The following ADAM10 variants were observed in gnomAD, a reference collection of about 807,000 sequenced individuals.
ADAM10 encodes the protein disintegrin and metalloproteinase domain-containing protein 10.
In ADAM10, 17 loss-of-function variants were observed where a neutral mutation model predicts 90.1. That is an observed-to-expected ratio of 0.19 (90% CI 0.13 to 0.28). The LOEUF (loss-of-function observed/expected upper bound fraction) is 0.28, where lower values mean the gene tolerates loss of function less well. ADAM10 is among the 10% of genes least tolerant of loss of function. The pLI is 1.00. For synonymous variants in ADAM10, 310 were observed against 298.6 expected, an observed-to-expected ratio of 1.04 and a Z score of -0.40; for missense variants, 610 against 914.3, an observed-to-expected ratio of 0.67 and a Z score of 4.29.
At chr15:58,655,506 C>T (rs988018097) in intron 5 of ADAM10, 1 of 150,780 alleles carries the variant, frequency 6.6e-6, no homozygotes, top group African/African-American at 2.4e-5. Context: ...GGGGGATCTG[C>T]CCCCATGATC....
chr15:58,618,733 A>T (rs751999584), intron 11 of ADAM10, among the ~76,000 whole-genome samples: 3 of 152,204 alleles, frequency 2.0e-5, no homozygotes, highest in Non-Finnish European at 2.9e-5. Flanking sequence ...AGACATATAA[A>T]TTGCTAACAA....
rs527885094 is a variant in ADAM10, at chr15:58,608,810, G to C, written c.2025+1487C>G. 7.9e-5 allele frequency among the ~76,000 whole-genome samples: 12 copies of C among 152,234 alleles called. No individual in the cohort carries two copies. The East Asian group carries it at 2.3e-3, about 29-fold the overall frequency. On this transcript the variant is annotated intron_variant, in intron 14 of 15. Coordinates refer to ENST00000260408, the MANE Select transcript of ADAM10 (RefSeq NM_001110.4). ...CTTTTGAAATTCTAAATAATGTAAT[G>C]AGTGAAAATTAGAGATAACAGAGAA...
Position 58,588,971 on chromosome 15 carries a change from T to G in ADAM10, c.*8576A>C, listed in dbSNP as rs959745483. ...TATAAATACAGTGCATATTAGATTTTGAAAGAAAATTTATCTCCAGGTATG... is the reference window on the plus strand; with the variant it reads ...TATAAATACAGTGCATATTAGATTTGGAAAGAAAATTTATCTCCAGGTATG... On this transcript the variant is annotated 3_prime_UTR_variant, in exon 16 of 16. Transcript: ENST00000260408. The G allele has an allele frequency of 2.0e-5, 3 of 152,342 alleles. No individual in the cohort carries two copies. In the East Asian group the frequency reaches 5.8e-4, roughly 29 times the overall value. 9.4% of individuals were successfully genotyped at this position (152,342 alleles called of 1,614,324 possible).
At chr15:58,614,634 C>A (rs190662645) in intron 11 of ADAM10, among the ~76,000 whole-genome samples, 74 of 152,154 alleles carry the variant, frequency 4.9e-4, no homozygotes, top group African/African-American at 1.7e-3. Flanking sequence ...AGAGTCTATA[C>A]CCAGCAAAAC....
chr15:58,712,532 A>AT (rs1898507359), intron 2 of ADAM10, among the ~76,000 whole-genome samples: 2 of 151,106 alleles, frequency 1.3e-5, no homozygotes, highest in South Asian at 4.2e-4. Context: ...TCAAAAAAAA[A>AT]AAAAAGGCCA....
At chr15:58,674,268 A>G (rs1897264299) in intron 4 of ADAM10, among the ~76,000 whole-genome samples, 1 of 152,186 alleles carries the variant, frequency 6.6e-6, no homozygotes, top group South Asian at 2.1e-4. Flanking sequence ...AAATACTATC[A>G]CTGTGCTTAA....
At chr15:58,641,973 G>C (rs193136606) in intron 7 of ADAM10, among the ~76,000 whole-genome samples, 19 of 152,282 alleles carry the variant, frequency 1.2e-4, no homozygotes, top group Admixed American at 1.2e-3. Flanking sequence ...CTTAAGAACA[G>C]ATTTCAGAAC....
At chr15:58,604,770 C>A (rs1422552287) in intron 14 of ADAM10, among the ~76,000 whole-genome samples, 1 of 152,104 alleles carries the variant, frequency 6.6e-6, no homozygotes, top group Non-Finnish European at 1.5e-5. Context: ...TTTTAAGAGA[C>A]AGGATCTTGC....
At chr15:58,617,650 T>C (rs917408420) in intron 11 of ADAM10, among the ~76,000 whole-genome samples, 1 of 152,154 alleles carries the variant, frequency 6.6e-6, no homozygotes, top group Admixed American at 6.5e-5. Context: ...TAATCTTATA[T>C]ATATAGACAA....
chr15:58,744,463 G>C (rs1313228202), intron 1 of ADAM10, among the ~76,000 whole-genome samples: 2 of 151,820 alleles, frequency 1.3e-5, no homozygotes, highest in Non-Finnish European at 2.9e-5. Flanking sequence ...CCAAAAAGTT[G>C]GAAATATTGC....
rs199528143 is a variant in ADAM10 at position 58,597,418 on chromosome 15, T to A, written c.*129A>T. On this transcript the variant is annotated 3_prime_UTR_variant, in exon 16 of 16. Coordinates refer to ENST00000260408, the MANE Select transcript of ADAM10 (RefSeq NM_001110.4). The stretch of plus-strand genomic sequence containing the variant: ...AATTCCACCTGGTCTGAGGATATGA[T>A]CTCTTGCCATTTTTTCTTCAACTGT... 1.9e-6 allele frequency: 3 copies of A among 1,560,600 alleles called. No individual in the cohort carries two copies. Among genetic ancestry groups the A allele is most frequent in the Admixed American group, 3.9e-5 (2 of 51,628 alleles).
At chr15:58,597,729 G>GT (rs1252079275) in intron 15 of ADAM10, 88 bp from the exon 16 acceptor site, 1 of 1,480,836 alleles carries the variant, frequency 6.8e-7, no homozygotes, top group African/African-American at 1.4e-5. Context: ...AATAAGAAAG[G>GT]TTTTAGTTCA....
At chr15:58,631,666 G>A (rs1896106726) in intron 9 of ADAM10, among the ~76,000 whole-genome samples, 2 of 152,178 alleles carry the variant, frequency 1.3e-5, no homozygotes, top group Non-Finnish European at 2.9e-5. Flanking sequence ...GGCCAGACAA[G>A]TAGCTGGAGG....
intron 11 of ADAM10, among the ~76,000 whole-genome samples, chr15:58,619,493 T>C (rs1895715968): frequency 6.6e-6 from 1 of 152,236 alleles, no homozygotes; most frequent in Non-Finnish European, 1.5e-5. Flanking sequence ...AAAGAAATGA[T>C]AAATATCTGA....
At chr15:58,679,726 G>C (rs1264198623) in intron 3 of ADAM10, among the ~76,000 whole-genome samples, 1 of 152,036 alleles carries the variant, frequency 6.6e-6, no homozygotes. Flanking sequence ...CTAACATAGC[G>C]AAACCCTGTC....
rs1566982359 is a variant in ADAM10, at chr15:58,655,713, A to ATAT, written c.585+9381_585+9383dup. Among the ~76,000 whole-genome samples, 401 of 54,020 alleles carry ATAT rather than the reference A, an allele frequency of 7.4e-3. 17 individuals carry two copies. Among genetic ancestry groups the ATAT allele is most frequent in the African/African-American group, 0.044 (350 of 7,910 alleles). The allele number at this position is 54,020 out of a possible 152,430, so 35.4% of individuals were successfully genotyped here. The stretch of plus-strand genomic sequence containing the variant: ...TATATATAGTATATATATATATAGT[A>ATAT]TATATATATATATATATATATATAT... On this transcript the variant is annotated intron_variant, in intron 5 of 15. Coordinates refer to ENST00000260408, the MANE Select transcript of ADAM10 (RefSeq NM_001110.4).
chr15:58,653,163 C>G (rs758975620), intron 5 of ADAM10, among the ~76,000 whole-genome samples: 2 of 152,120 alleles, frequency 1.3e-5, no homozygotes, highest in Non-Finnish European at 2.9e-5. Context: ...CATCTGCAAA[C>G]AAGGATATTT....
At chr15:58,670,720 G>T (rs1225598827) in intron 4 of ADAM10, among the ~76,000 whole-genome samples, 2 of 151,944 alleles carry the variant, frequency 1.3e-5, no homozygotes, top group East Asian at 1.9e-4. Context: ...TTACATACAA[G>T]AATACTTAAT....
intron 1 of ADAM10, among the ~76,000 whole-genome samples, chr15:58,728,507 G>A (rs537989457): frequency 6.6e-6 from 1 of 151,832 alleles, no homozygotes; most frequent in Admixed American, 6.6e-5. Flanking sequence ...ATTTTGGGAG[G>A]CCAAAGAAGA....
Sources: gnomAD v4.1 joint callset for allele counts (sites outside exome capture counted in the v4.1 genomes callset) on GRCh38, gnomAD v4.1.1 for gene constraint, MANE v1.5 for transcripts, NCBI Gene and HGNC (gene_info 2026-07-23, HGNC 2026-07-21) for gene names.